SAMHD1: variants seen among roughly 807,000 people sequenced by gnomAD.
SAMHD1 encodes the protein SAM and HD domain containing deoxynucleoside triphosphate triphosphohydrolase 1, also known as deoxynucleoside triphosphate triphosphohydrolase SAMHD1.
Under a neutral mutation model 79.6 loss-of-function variants are expected in SAMHD1, and 54 were observed. The observed-to-expected ratio is 0.68, with a 90% CI of 0.55 to 0.85. SAMHD1 has a LOEUF of 0.85. SAMHD1 is among the 40% of genes least tolerant of loss of function. The pLI is 0.00. For missense variants in SAMHD1, 663 were observed against 782.7 expected (o/e 0.85, Z 1.82); for synonymous variants, 260 against 264.1 (o/e 0.98, Z 0.15).
rs369587937 is a variant in SAMHD1 at position 36,905,450 on chromosome 20, G to A, written c.1324C>T (p.Arg442Ter). ...TATTCAATTTGTTTTAAAATCTCTCGTGCGTCTTTCAATTTGGGATCAGTA... is the reference window on the plus strand; with the variant it reads ...TATTCAATTTGTTTTAAAATCTCTCATGCGTCTTTCAATTTGGGATCAGTA... ...YSTDPKLKDA[R>*]EILKQIEYRN... Residue 442 changes from arginine (R) to a stop codon, truncating the protein, a stop_gained, in exon 12 of 16, where the codon CGA (arginine) becomes TGA (stop). Transcript: ENST00000646673. LOFTEE classifies it high-confidence loss of function. The A allele has an allele frequency of 1.4e-5, 22 of 1,613,104 alleles. No homozygotes were observed. The highest frequency in any genetic ancestry group is 3.3e-5 in the Admixed American group (2 of 59,956).
chr20:36,893,438 T>G (rs542706791), intron 15 of SAMHD1: 7 of 326,454 alleles, frequency 2.1e-5, no homozygotes, highest in African/African-American at 1.5e-4. Flanking sequence ...TGGTCCCCTC[T>G]GCAATAAAAG....
At chr20:36,933,480 G>A (rs913382326) in intron 4 of SAMHD1, among the ~76,000 whole-genome samples, 5 of 151,908 alleles carry the variant, frequency 3.3e-5, no homozygotes, top group Admixed American at 1.3e-4. Flanking sequence ...ATCAGCAACC[G>A]ACCCATTAGC....
intron 3 of SAMHD1, among the ~76,000 whole-genome samples, chr20:36,939,109 C>G (rs1241060612): frequency 1.3e-5 from 1 of 76,782 alleles, no homozygotes; most frequent in African/African-American, 6.3e-5. Flanking sequence ...AAAAAATTAA[C>G]TGGGCGTGGT....
rs764368730 is a variant in SAMHD1, at chr20:36,919,462, G to C, written c.754C>G (p.Pro252Ala). Residue 252 changes from proline (P) to alanine (A), a missense_variant, in exon 7 of 16, where the codon CCT becomes GCT. Pro to Ala is a conservative substitution (Grantham distance 27). Coordinates refer to ENST00000646673, the MANE Select transcript of SAMHD1 (RefSeq NM_015474.4). ...EHLINSNGIK[P>A]VMEQYGLIPE... ...ATGAGACCATATTGTTCCATGACAGGCTTAATTCCATTAGAATTAATAAGG... is the reference window on the plus strand; with the variant it reads ...ATGAGACCATATTGTTCCATGACAGCCTTAATTCCATTAGAATTAATAAGG... The C allele has an allele frequency of 6.2e-7, 1 of 1,612,322 alleles. No homozygotes were observed. Among genetic ancestry groups the C allele is most frequent in the Non-Finnish European group, 8.5e-7 (1 of 1,178,686 alleles).
rs999485729 is a variant in SAMHD1, at chr20:36,937,601, A to G, written c.349-2412T>C. Among the ~76,000 whole-genome samples the G allele has an allele frequency of 3.9e-5, 6 of 152,220 alleles. No individual in the cohort carries two copies. The South Asian group carries it at 6.2e-4, about 16-fold the overall frequency. On this transcript the variant is annotated intron_variant, in intron 3 of 15. Coordinates refer to ENST00000646673, the MANE Select transcript of SAMHD1 (RefSeq NM_015474.4). Reference sequence around the variant, plus strand: ...CTTGCATACTAAAAATGAGTGAATCATACAACTTGTGAATTATATCTCAAT... The same window carrying G: ...CTTGCATACTAAAAATGAGTGAATCGTACAACTTGTGAATTATATCTCAAT...
Position 36,892,196 on chromosome 20 carries a change from A to G in SAMHD1, c.*736T>C, listed in dbSNP as rs968868506. ...GCCAGAGCTCTCAGATCTTCCCCAAAACCTAATCAGGCCTCTCACCAGCGT... is the reference window on the plus strand; with the variant it reads ...GCCAGAGCTCTCAGATCTTCCCCAAGACCTAATCAGGCCTCTCACCAGCGT... On this transcript the variant is annotated 3_prime_UTR_variant, in exon 16 of 16. Coordinates refer to ENST00000646673, the MANE Select transcript of SAMHD1 (RefSeq NM_015474.4). The G allele has an allele frequency of 1.3e-5, 2 of 152,574 alleles. No homozygotes were observed. Among genetic ancestry groups the G allele is most frequent in the African/African-American group, 4.8e-5 (2 of 41,418 alleles). The allele number at this position is 152,574 out of a possible 1,614,324, so 9.5% of individuals were successfully genotyped here.
chr20:36,936,704 G>A (rs966125222), intron 3 of SAMHD1, among the ~76,000 whole-genome samples: 2 of 151,948 alleles, frequency 1.3e-5, no homozygotes, highest in African/African-American at 4.8e-5. Flanking sequence ...TTTTGAGACA[G>A]AGTCTAGCTC....
intron 11 of SAMHD1, among the ~76,000 whole-genome samples, chr20:36,909,957 T>C (rs1366192302): frequency 3.3e-5 from 5 of 151,432 alleles, no homozygotes; most frequent in African/African-American, 1.2e-4. Context: ...CCGGGCGGTG[T>C]CTCACGCCTG....
intron 9 of SAMHD1, among the ~76,000 whole-genome samples, chr20:36,913,053 G>C (rs1183619583): frequency 7.0e-6 from 1 of 142,380 alleles, no homozygotes; most frequent in African/African-American, 2.6e-5. Flanking sequence ...CTGGAGTGCA[G>C]TGGCGCCATC....
At chr20:36,939,253 C>CAAAAAAAAAAAAA (rs57018620) in intron 3 of SAMHD1, among the ~76,000 whole-genome samples, 1 of 36,636 alleles carries the variant, frequency 2.7e-5, no homozygotes, top group Non-Finnish European at 4.4e-5. Context: ...GACTCCCTCT[C>CAAAAAAAAAAAAA]AAAAAAAAAA....
chr20:36,926,122 G>A (rs570281714), intron 6 of SAMHD1, among the ~76,000 whole-genome samples: 1 of 152,040 alleles, frequency 6.6e-6, no homozygotes, highest in Admixed American at 6.6e-5. Context: ...CCAAAATCTT[G>A]TACGATAATA....
At chr20:36,897,759 T>G (rs1373464348) in intron 15 of SAMHD1, 63 bp downstream of exon 15, 37 of 1,591,790 alleles carry the variant, frequency 2.3e-5, no homozygotes, top group Non-Finnish European at 3.1e-5. Flanking sequence ...CAGATAGACT[T>G]ACTTTTGGTT....
At chr20:36,921,396 A>AC (rs1030574449) in intron 6 of SAMHD1, among the ~76,000 whole-genome samples, 4 of 150,786 alleles carry the variant, frequency 2.7e-5, no homozygotes, top group African/African-American at 9.7e-5. Context: ...CTGTCTCAAA[A>AC]AAAAAAAAAA....
chr20:36,901,516 G>A (rs918570265), intron 13 of SAMHD1, among the ~76,000 whole-genome samples: 30 of 152,120 alleles, frequency 2.0e-4, no homozygotes, highest in Admixed American at 2.0e-3. Context: ...CAGCAAGATT[G>A]CTTGAGGCCA....
intron 3 of SAMHD1, among the ~76,000 whole-genome samples, chr20:36,937,760 G>C (rs1351881981): frequency 1.3e-5 from 2 of 151,950 alleles, no homozygotes; most frequent in Non-Finnish European, 2.9e-5. Context: ...ATTCATTTAA[G>C]GTATTGATTT....
intron 4 of SAMHD1, chr20:36,934,825 A>C (rs1239702674): frequency 2.0e-6 from 1 of 497,492 alleles, no homozygotes; most frequent in Non-Finnish European, 3.7e-6. Flanking sequence ...TGTCTGGCTA[A>C]TTTTGTATTT....
intron 9 of SAMHD1, 31 bp from the exon 10 acceptor site, chr20:36,912,583 G>A: frequency 1.4e-6 from 2 of 1,431,900 alleles, no homozygotes; most frequent in African/African-American, 2.8e-5. Flanking sequence ...AATATTAATA[G>A]GATCAGATTA....
intron 4 of SAMHD1, among the ~76,000 whole-genome samples, chr20:36,931,215 G>T (rs540930305): frequency 1.3e-5 from 2 of 152,340 alleles, no homozygotes; most frequent in South Asian, 4.1e-4. Context: ...CACTGTTAGT[G>T]GGGATGTATT....
chr20:36,914,024 G>T (rs1463489210), intron 9 of SAMHD1, among the ~76,000 whole-genome samples: 1 of 151,442 alleles, frequency 6.6e-6, no homozygotes, highest in African/African-American at 2.4e-5. Flanking sequence ...GAAGTAGTGG[G>T]ATTACAGATA....
Sources: allele counts gnomAD v4.1 joint callset (sites outside exome capture counted in the v4.1 genomes callset), GRCh38; gene constraint gnomAD v4.1.1; transcripts MANE v1.5; gene names NCBI Gene and HGNC (gene_info 2026-07-23, HGNC 2026-07-21).